The following FASTKD1 variants were observed in gnomAD, a reference collection of about 807,000 sequenced individuals.
FASTKD1 encodes the protein FAST kinase domains 1.
FASTKD1 carries 94 observed loss-of-function variants against 90.9 expected under a neutral mutation model. The ratio of observed to expected loss-of-function variants is 1.03; its 90% CI spans 0.88 to 1.23. The LOEUF (loss-of-function observed/expected upper bound fraction) is 1.23. FASTKD1 is among the 50% of genes most tolerant of loss of function. FASTKD1 has a pLI of 0.00. For synonymous variants in FASTKD1, 319 were observed against 345.8 expected (o/e 0.92, Z 0.86); for missense variants, 945 against 993.5 (o/e 0.95, Z 0.66).
In FASTKD1 at chr2:169,544,784, AG is replaced by A. The variant is rs1477800513; in HGVS notation, c.1752del (p.Tyr585MetfsTer21). 2 of 1,613,292 alleles carry A rather than the reference AG, an allele frequency of 1.2e-6. No homozygotes were observed. The highest frequency in any genetic ancestry group is 1.7e-4 in the Middle Eastern group (1 of 6,060). ...PAIIRPFSVL[N>X]YDPPQRDEFL... is the part of the protein sequence containing the mutation. ...AATTCATCCCTTTGAGGTGGATCAT[AG>A]TTCAATACGCTGAATGGACGAATAA... is the stretch of plus-strand genomic sequence containing the variant. On this transcript the variant is annotated frameshift_variant, in exon 9 of 15. Coordinates refer to ENST00000453153, the MANE Select transcript of FASTKD1 (RefSeq NM_024622.6). LOFTEE classifies it high-confidence loss of function.
At position 169,545,008 on chromosome 2, in the gene FASTKD1, A is replaced by C. The variant is rs182548470; in HGVS notation, c.1702-173T>G. On this transcript the variant is annotated intron_variant, in intron 8 of 14. Transcript: ENST00000453153. ...CTGCTATAATTTATTTAACCCCACCAACATTATTAATAACCCCAAAAGTGT... is the reference window on the plus strand; with the variant it reads ...CTGCTATAATTTATTTAACCCCACCCACATTATTAATAACCCCAAAAGTGT... 2.9e-4 allele frequency among the ~76,000 whole-genome samples: 44 copies of C among 152,324 alleles called. No individual in the cohort carries two copies. The East Asian group carries it at 7.9e-3, about 27-fold the overall frequency.
In FASTKD1 at chr2:169,531,574, A is replaced by T. The variant is rs770420213; in HGVS notation, c.2189-84T>A. On this transcript the variant is annotated intron_variant, in intron 12 of 14. Transcript: ENST00000453153. ...TAAGATATATTTGAAATATATATGC[A>T]TATAATATTTGTACACACACACACT... The T allele has an allele frequency of 1.1e-3, 1,185 of 1,062,116 alleles. 1 individual carries two copies. Among genetic ancestry groups the T allele is most frequent in the Non-Finnish European group, 1.4e-3 (1,025 of 743,052 alleles). 65.8% of individuals were successfully genotyped at this position (1,062,116 alleles called of 1,614,324 possible). A position where few individuals can be genotyped will look rare whatever the true frequency, so the allele number is the denominator to read the frequency against.
rs560414606 is a variant in FASTKD1, at chr2:169,541,309, A to C, written c.1817-1130T>G. Among the ~76,000 whole-genome samples the C allele has an allele frequency of 2.0e-5, 3 of 152,276 alleles. No homozygotes were observed. In the East Asian group the frequency reaches 5.8e-4, roughly 29 times the overall value. On this transcript the variant is annotated intron_variant, in intron 9 of 14. Coordinates refer to ENST00000453153, the MANE Select transcript of FASTKD1 (RefSeq NM_024622.6). ...TCTTTCCTTATACTCTTTAGCAACAAAATTTTCTAATTTCTAAGACTCTAT... is the reference window on the plus strand; with the variant it reads ...TCTTTCCTTATACTCTTTAGCAACACAATTTTCTAATTTCTAAGACTCTAT...
chr2:169,572,402 A>G (rs1169518129), intron 1 of FASTKD1, among the ~76,000 whole-genome samples: 3 of 151,990 alleles, frequency 2.0e-5, no homozygotes, highest in African/African-American at 7.2e-5. Flanking sequence ...TTTCAAATTT[A>G]CCATAAAAGG....
intron 3 of FASTKD1, among the ~76,000 whole-genome samples, chr2:169,567,102 G>A (rs945092855): frequency 2.0e-5 from 3 of 149,662 alleles, no homozygotes; most frequent in Admixed American, 6.6e-5. Context: ...GCAACAGAGC[G>A]AGACTCTGTC....
intron 4 of FASTKD1, among the ~76,000 whole-genome samples, chr2:169,561,974 T>C (rs1683684876): frequency 2.4e-5 from 3 of 124,208 alleles, no homozygotes; most frequent in Non-Finnish European, 3.2e-5. Context: ...GTAAATTAAT[T>C]ATTCATTAAT....
intron 9 of FASTKD1, among the ~76,000 whole-genome samples, chr2:169,544,307 C>T (rs141089968): frequency 8.2e-4 from 125 of 152,258 alleles, no homozygotes; most frequent in Non-Finnish European, 1.2e-3. Context: ...CAGTGGCTCA[C>T]ACCTGTAATC....
At position 169,550,648 on chromosome 2, in the gene FASTKD1, C is replaced by G. The variant is rs1685446610; in HGVS notation, c.1215-3944G>C. On this transcript the variant is annotated intron_variant, in intron 7 of 14. Transcript: ENST00000453153. ...CATGAACTACTACACCCTGCTAATT[C>G]TTTAGTTTTTTGTAGAGACAGAGGC... is the stretch of plus-strand genomic sequence containing the variant. 1.3e-5 allele frequency among the ~76,000 whole-genome samples: 2 copies of G among 152,050 alleles called. 1 individual carries two copies. The highest frequency in any genetic ancestry group is 4.1e-4 in the South Asian group (2 of 4,824).
chr2:169,572,234 T>A (rs1684266900), intron 1 of FASTKD1, 63 bp from the exon 2 acceptor site: 2 of 450,038 alleles, frequency 4.4e-6, no homozygotes, highest in Admixed American at 8.4e-5. Context: ...GATTCCAAAA[T>A]TCAAATTAAA....
chr2:169,569,152 C>T lies in FASTKD1; in HGVS notation c.446+32G>A. Reference sequence around the variant, plus strand: ...CTCTGTTAACCCTGAAAAGAATAACCCTGATCTTCAAGATGAACCCAGGGT... The same window carrying T: ...CTCTGTTAACCCTGAAAAGAATAACTCTGATCTTCAAGATGAACCCAGGGT... On this transcript the variant is annotated intron_variant, in intron 3 of 14. Transcript: ENST00000453153. The T allele has an allele frequency of 1.9e-6, 3 of 1,582,610 alleles. No individual in the cohort carries two copies. The South Asian group carries it at 3.3e-5, about 18-fold the overall frequency.
intron 7 of FASTKD1, among the ~76,000 whole-genome samples, chr2:169,549,719 A>C (rs1685407624): frequency 6.6e-6 from 1 of 152,134 alleles, no homozygotes; most frequent in South Asian, 2.1e-4. Flanking sequence ...CTCCCAGCTC[A>C]GTCTCCCAAA....
At chr2:169,543,373 G>A (rs1239521821) in intron 9 of FASTKD1, among the ~76,000 whole-genome samples, 1 of 152,150 alleles carries the variant, frequency 6.6e-6, no homozygotes, top group African/African-American at 2.4e-5. Flanking sequence ...TGAGGCAGGA[G>A]AATCGCTTGA....
At chr2:169,546,148 C>G (rs1685180026) in intron 8 of FASTKD1, 70 bp downstream of exon 8, 1 of 1,428,914 alleles carries the variant, frequency 7.0e-7, no homozygotes. Flanking sequence ...TCTCAAAGTG[C>G]CTATGATAAA....
chr2:169,529,965 G>A (rs1394812020), intron 14 of FASTKD1, 39 bp from the exon 15 acceptor site: 2 of 1,419,664 alleles, frequency 1.4e-6, no homozygotes, highest in Admixed American at 3.6e-5. Context: ...AAGTTTTAAA[G>A]CAACAACAAA....
rs1203986640 is a variant in FASTKD1 at position 169,529,664 on chromosome 2, C to T, written c.*161G>A. On this transcript the variant is annotated 3_prime_UTR_variant, in exon 15 of 15. Transcript: ENST00000453153. The stretch of plus-strand genomic sequence containing the variant: ...CTCTTATACACTCCCACCCCACTCC[C>T]CACTTGTTCTGCTCCAGCCACACTG... 18 of 583,668 alleles carry T rather than the reference C, an allele frequency of 3.1e-5. No individual in the cohort carries two copies. Among genetic ancestry groups the T allele is most frequent in the Non-Finnish European group, 4.9e-5 (16 of 324,080 alleles). The allele number at this position is 583,668 out of a possible 1,614,324, so 36.2% of individuals were successfully genotyped here.
At chr2:169,548,118 AT>A (rs1039497263) in intron 7 of FASTKD1, among the ~76,000 whole-genome samples, 4 of 151,824 alleles carry the variant, frequency 2.6e-5, no homozygotes, top group Admixed American at 1.3e-4. Context: ...ACAGGCCAAA[AT>A]TTTTTATTCA....
Position 169,544,729 on chromosome 2 carries a change from G to C in FASTKD1, c.1808C>G (p.Ser603Cys). 6.4e-7 allele frequency: 1 copy of C among 1,573,744 alleles called. No individual in the cohort carries two copies. Among genetic ancestry groups the C allele is most frequent in the African/African-American group, 1.3e-5 (1 of 74,152 alleles). The change falls in exon 9 of 15, where the codon TCT (serine) becomes TGT (cysteine). Residue 603 changes from serine (S) to cysteine (C), a missense_variant. Coordinates refer to ENST00000453153, the MANE Select transcript of FASTKD1 (RefSeq NM_024622.6). ...FLGTCVQHLN[S>C]YLGILDPFIL... is the part of the protein sequence containing the mutation. Reference sequence around the variant, plus strand: ...CCAAACAATATACCTACCTAAGTAAGAATTAAGATGTTGCACGCAAGTTCC... The same window carrying C: ...CCAAACAATATACCTACCTAAGTAACAATTAAGATGTTGCACGCAAGTTCC...
chr2:169,538,184 T>C (rs1278939348), intron 10 of FASTKD1, 43 bp from the exon 11 acceptor site: 3 of 1,540,186 alleles, frequency 1.9e-6, no homozygotes, highest in Non-Finnish European at 2.6e-6. Context: ...AGCTGAGACC[T>C]AGGAAAGACA....
At chr2:169,554,904 T>C (rs763415860) in intron 7 of FASTKD1, among the ~76,000 whole-genome samples, 1 of 152,184 alleles carries the variant, frequency 6.6e-6, no homozygotes, top group East Asian at 1.9e-4. Context: ...ATTCCTCCCC[T>C]AGGGAACTCA....
Sources: gnomAD v4.1 joint callset for allele counts (sites outside exome capture counted in the v4.1 genomes callset) on GRCh38, gnomAD v4.1.1 for gene constraint, MANE v1.5 for transcripts, NCBI Gene and HGNC (gene_info 2026-07-23, HGNC 2026-07-21) for gene names.